CCDC13: variants seen among roughly 807,000 people sequenced by gnomAD.
CCDC13 encodes coiled-coil domain containing 13.
A neutral mutation model predicts 87.3 loss-of-function variants in CCDC13; 70 were observed. That is an observed-to-expected ratio of 0.80 (90% confidence interval 0.66 to 0.98). The LOEUF is 0.98. CCDC13 is among the 50% of genes least tolerant of loss of function. CCDC13 has a pLI of 0.00. For missense variants in CCDC13, 842 were observed against 892.0 expected (o/e 0.94, Z 0.71); for synonymous variants, 317 against 360.3 (o/e 0.88, Z 1.36).
At chr3:42,716,883 C>T (rs747606884) in intron 13 of CCDC13, among the ~76,000 whole-genome samples, 1 of 152,138 alleles carries the variant, frequency 6.6e-6, no homozygotes, top group African/African-American at 2.4e-5. Context: ...GTTCTTGTAG[C>T]ATTATTCACA....
chr3:42,734,768 A>G (rs909905061), intron 10 of CCDC13, among the ~76,000 whole-genome samples: 1 of 152,216 alleles, frequency 6.6e-6, no homozygotes, highest in Non-Finnish European at 1.5e-5. Context: ...GGAGACCTGC[A>G]TGCCTGTCAA....
intron 1 of CCDC13, among the ~76,000 whole-genome samples, chr3:42,759,598 T>C (rs1251646395): frequency 6.6e-6 from 1 of 152,208 alleles, no homozygotes; most frequent in African/African-American, 2.4e-5. Flanking sequence ...CTTTTTGAGA[T>C]TCATCAATGT....
intron 10 of CCDC13, among the ~76,000 whole-genome samples, chr3:42,734,743 G>T (rs952874022): frequency 4.6e-5 from 7 of 152,210 alleles, no homozygotes; most frequent in East Asian, 1.9e-4. Flanking sequence ...AGGCTGCAAG[G>T]CTCCTTTGTC....
chr3:42,771,306 T>C (rs961305221), intron 1 of CCDC13, among the ~76,000 whole-genome samples: 2 of 152,160 alleles, frequency 1.3e-5, no homozygotes, highest in African/African-American at 4.8e-5. Flanking sequence ...CCCTTCTAAA[T>C]GAAAAATATC....
At chr3:42,752,822 G>A (rs1699619938) in intron 3 of CCDC13, 105 bp from the exon 4 acceptor site, 1 of 1,402,344 alleles carries the variant, frequency 7.1e-7, no homozygotes, top group Non-Finnish European at 9.8e-7. Context: ...AAGCTGCTTG[G>A]CATGAATGCT....
At chr3:42,715,009 G>T (rs1314310709) in intron 13 of CCDC13, among the ~76,000 whole-genome samples, 2 of 152,068 alleles carry the variant, frequency 1.3e-5, no homozygotes, top group African/African-American at 4.8e-5. Flanking sequence ...TAAAGTTCAG[G>T]GGCTGGGCCC....
intron 5 of CCDC13, 147 bp downstream of exon 5, chr3:42,751,789 A>G: frequency 1.5e-6 from 1 of 659,454 alleles, no homozygotes; most frequent in Non-Finnish European, 2.7e-6. Context: ...AGGATGCAGC[A>G]ATGGTAGACA....
Position 42,758,267 on chromosome 3 carries a change from G to C in CCDC13, c.79C>G (p.Gln27Glu). 6.2e-7 allele frequency: 1 copy of C among 1,613,706 alleles called. No homozygotes were observed. The highest frequency in any genetic ancestry group is 1.3e-5 in the African/African-American group (1 of 75,008). ...TCCCTCTTTTTCTCCATCTGCTTCT[G>C]TAACCGTTTGTGCTGCATCTCCTGC... is the stretch of plus-strand genomic sequence containing the variant. The part of the protein sequence containing the change: ...AMQEMQHKRL[Q>E]KQMEKKREKE... The change falls in exon 2 of 16, where the codon CAG becomes GAG. Residue 27 changes from glutamine to glutamate, a missense_variant. Transcript: ENST00000310232.
intron 14 of CCDC13, among the ~76,000 whole-genome samples, chr3:42,710,365 T>C (rs1430166816): frequency 6.6e-6 from 1 of 151,988 alleles, no homozygotes; most frequent in Non-Finnish European, 1.5e-5. Context: ...CCCAGCCTGG[T>C]AATTTGTTTT....
In CCDC13 at chr3:42,709,119, T is replaced by C. The variant is rs2125865905; in HGVS notation, c.2009A>G (p.Glu670Gly). 6.2e-7 allele frequency: 1 copy of C among 1,612,262 alleles called. No homozygotes were observed. Among genetic ancestry groups the C allele is most frequent in the Non-Finnish European group, 8.5e-7 (1 of 1,179,008 alleles). ...CAGGGCAGCCTTTAGCATTTCATTC[T>C]CCTCCACCTGGATGGCCAGCCTGGA... Reference protein sequence around the residue: ...LTTRLAIQVEENEMLKAALGS... With the variant: ...LTTRLAIQVEGNEMLKAALGS... The change falls in exon 16 of 16, where the codon GAG becomes GGG. Residue 670 changes from glutamate to glycine, a missense_variant. Physicochemically the swap from Glu to Gly is moderately conservative, Grantham distance 98. Transcript: ENST00000310232.
chr3:42,743,587 T>TTATATATATA lies in CCDC13; in HGVS notation c.826-540_826-531dup, dbSNP rs1553690701. 1.9e-3 allele frequency among the ~76,000 whole-genome samples: 181 copies of TTATATATATA among 97,670 alleles called. 9 individuals carry two copies. Among genetic ancestry groups the TTATATATATA allele is most frequent in the African/African-American group, 8.3e-3 (166 of 19,952 alleles). The allele number at this position is 97,670 out of a possible 152,430, so 64.1% of individuals were successfully genotyped here. A position where few individuals can be genotyped will look rare whatever the true frequency, so the allele number is the denominator to read the frequency against. ...CACAGGCAACTGTGCCTGGATAATT[T>TTATATATATA]TATATATATATATACACACACACAT... On this transcript the variant is annotated intron_variant, in intron 7 of 15. Coordinates refer to ENST00000310232, the MANE Select transcript of CCDC13 (RefSeq NM_144719.4).
chr3:42,719,385 CT>C (rs1559638615), intron 13 of CCDC13: 2 of 10,602 alleles, frequency 1.9e-4, no homozygotes, highest in African/African-American at 3.1e-4. Flanking sequence ...GTGCTTTCCT[CT>C]CTCTCTCTCT....
At chr3:42,749,351 G>T (rs1345631576) in intron 5 of CCDC13, among the ~76,000 whole-genome samples, 2 of 152,248 alleles carry the variant, frequency 1.3e-5, no homozygotes, top group African/African-American at 4.8e-5. Context: ...GATCTGCTCA[G>T]AGCATGGAAA....
intron 3 of CCDC13, among the ~76,000 whole-genome samples, chr3:42,755,336 C>T (rs763819186): frequency 2.0e-5 from 3 of 152,170 alleles, no homozygotes; most frequent in Non-Finnish European, 4.4e-5. Context: ...AGGCCAGTCG[C>T]GGTGGCTCAC....
At chr3:42,712,202 T>C (rs1165496762) in intron 14 of CCDC13, among the ~76,000 whole-genome samples, 2 of 150,988 alleles carry the variant, frequency 1.3e-5, no homozygotes, top group Admixed American at 6.6e-5. Flanking sequence ...TGGGGAGGGG[T>C]TGGGGGGCTA....
chr3:42,731,593 G>T (rs946293976), intron 12 of CCDC13, among the ~76,000 whole-genome samples: 2 of 152,060 alleles, frequency 1.3e-5, no homozygotes, highest in Non-Finnish European at 2.9e-5. Flanking sequence ...GATCAGCAGG[G>T]GCTCTGTGTG....
chr3:42,742,490 G>A (rs957060120), intron 8 of CCDC13, among the ~76,000 whole-genome samples: 2 of 152,128 alleles, frequency 1.3e-5, no homozygotes, highest in African/African-American at 2.4e-5. Context: ...CACTCCCAAC[G>A]CAGCCAGTGA....
chr3:42,766,824 A>G (rs1321742134), intron 1 of CCDC13, among the ~76,000 whole-genome samples: 2 of 152,236 alleles, frequency 1.3e-5, no homozygotes, highest in African/African-American at 4.8e-5. Context: ...TCATATTAGT[A>G]GACACAGAAA....
At chr3:42,743,114 C>A in intron 7 of CCDC13, 57 bp from the exon 8 acceptor site, 7 of 1,595,838 alleles carry the variant, frequency 4.4e-6, no homozygotes, top group Non-Finnish European at 6.0e-6. Context: ...CTCTTCTACT[C>A]AGAAGTGTGA....
Sources: gnomAD v4.1 joint callset for allele counts (sites outside exome capture counted in the v4.1 genomes callset) on GRCh38, gnomAD v4.1.1 for gene constraint, MANE v1.5 for transcripts, NCBI Gene and HGNC (gene_info 2026-07-23, HGNC 2026-07-21) for gene names.